Variants in KHDRBS2 observed in about 807,000 individuals in gnomAD.
KHDRBS2 encodes KH domain-containing, RNA-binding, signal transduction-associated protein 2.
In KHDRBS2, 26 loss-of-function variants were observed where a neutral mutation model predicts 44.3. The observed-to-expected ratio is 0.59, with a 90% confidence interval of 0.43 to 0.81. The LOEUF (loss-of-function observed/expected upper bound fraction) is 0.81. KHDRBS2 is among the 40% of genes least tolerant of loss of function. KHDRBS2 has a pLI of 0.00. For missense variants in KHDRBS2, 476 were observed against 433.1 expected (o/e 1.10, Z -0.88); for synonymous variants, 194 against 151.1 (o/e 1.28, Z -2.08).
intron 1 of KHDRBS2, among the ~76,000 whole-genome samples, chr6:62,200,139 C>A (rs1328377727): frequency 3.2e-4 from 49 of 151,638 alleles, no homozygotes; most frequent in African/African-American, 8.8e-4. Context: ...ACCCTAGAAG[C>A]AAACCTAGGC....
At chr6:61,882,502 G>A (rs1436691465) in intron 6 of KHDRBS2, among the ~76,000 whole-genome samples, 3 of 151,932 alleles carry the variant, frequency 2.0e-5, no homozygotes, top group African/African-American at 2.4e-5. Flanking sequence ...AGGAATAAAC[G>A]AGGGTCCTTT....
the KHDRBS2 span, among the ~76,000 whole-genome samples, chr6:61,561,967 C>T: frequency 8.9e-4 from 136 of 152,266 alleles, 1 homozygote; most frequent in Middle Eastern, 3.4e-3. Flanking sequence ...TATTTCTTGG[C>T]TGCTTCACAT....
the KHDRBS2 span, among the ~76,000 whole-genome samples, chr6:61,670,736 C>A: frequency 6.6e-6 from 1 of 151,342 alleles, no homozygotes; most frequent in African/African-American, 2.4e-5. Flanking sequence ...TCTAGTTCAT[C>A]CTCTTATACT....
At chr6:62,127,623 C>G (rs1303745933) in intron 2 of KHDRBS2, among the ~76,000 whole-genome samples, 1 of 152,014 alleles carries the variant, frequency 6.6e-6, no homozygotes, top group African/African-American at 2.4e-5. Context: ...CTAATACTTT[C>G]TTATTTTCTG....
intron 4 of KHDRBS2, among the ~76,000 whole-genome samples, chr6:61,923,241 TA>T (rs2127360587): frequency 6.6e-6 from 1 of 151,968 alleles, no homozygotes; most frequent in Non-Finnish European, 1.5e-5. Flanking sequence ...TAAGAATTAC[TA>T]AAAAAATTAA....
intron 4 of KHDRBS2, among the ~76,000 whole-genome samples, chr6:61,906,036 C>T (rs1240055412): frequency 2.6e-5 from 4 of 151,628 alleles, no homozygotes; most frequent in Admixed American, 2.0e-4. Flanking sequence ...TTAGTAGAGA[C>T]GGGGTTCCAC....
chr6:61,672,100 G>GT, the KHDRBS2 span, among the ~76,000 whole-genome samples: 19 of 138,980 alleles, frequency 1.4e-4, no homozygotes, highest in Non-Finnish European at 2.5e-4. Flanking sequence ...GCGGTGTTTG[G>GT]TTTTTTGTTC....
At chr6:62,255,255 A>T (rs551471479) in intron 1 of KHDRBS2, among the ~76,000 whole-genome samples, 113 of 152,188 alleles carry the variant, frequency 7.4e-4, no homozygotes, top group Non-Finnish European at 1.4e-3. Context: ...GGAGAATTCT[A>T]TCTGATCTAT....
chr6:61,731,357 C>T (rs1244938297), intron 7 of KHDRBS2, among the ~76,000 whole-genome samples: 1 of 152,024 alleles, frequency 6.6e-6, no homozygotes, highest in East Asian at 1.9e-4. Context: ...ATTTAGCTTA[C>T]TAGAAATTAA....
the KHDRBS2 span, among the ~76,000 whole-genome samples, chr6:61,546,935 G>A: frequency 2.6e-5 from 4 of 152,042 alleles, no homozygotes; most frequent in Non-Finnish European, 5.9e-5. Context: ...TCAGAGTCAA[G>A]GGTGACTGGA....
the KHDRBS2 span, among the ~76,000 whole-genome samples, chr6:61,579,590 G>A: frequency 2.6e-5 from 4 of 152,142 alleles, no homozygotes; most frequent in African/African-American, 9.7e-5. Flanking sequence ...GTGACCGAAT[G>A]TTATTTGAAA....
At chr6:62,171,498 TG>T (rs1354136884) in intron 2 of KHDRBS2, among the ~76,000 whole-genome samples, 1 of 151,958 alleles carries the variant, frequency 6.6e-6, no homozygotes, top group Non-Finnish European at 1.5e-5. Flanking sequence ...GCAAGCAACT[TG>T]GAAAATGTAT....
intron 7 of KHDRBS2, among the ~76,000 whole-genome samples, chr6:61,720,622 CTTGT>C (rs1304742626): frequency 6.6e-6 from 1 of 151,814 alleles, no homozygotes; most frequent in Admixed American, 6.6e-5. Context: ...TTTTGATGGG[CTTGT>C]TTGTTTTTTT....
the KHDRBS2 span, among the ~76,000 whole-genome samples, chr6:61,613,299 C>T: frequency 2.0e-5 from 3 of 152,182 alleles, no homozygotes; most frequent in African/African-American, 7.2e-5. Context: ...TTACTAGTTG[C>T]TCAGTAAATA....
At chr6:61,557,388 TAG>T in the KHDRBS2 span, among the ~76,000 whole-genome samples, 2 of 152,272 alleles carry the variant, frequency 1.3e-5, no homozygotes, top group African/African-American at 4.8e-5. Context: ...AGAATATATA[TAG>T]AGAGTGTCTC....
chr6:61,944,016 C>G (rs940977132), intron 4 of KHDRBS2, among the ~76,000 whole-genome samples: 1 of 152,040 alleles, frequency 6.6e-6, no homozygotes, highest in Non-Finnish European at 1.5e-5. Context: ...AACAAACCCA[C>G]GAATGCTGGT....
intron 2 of KHDRBS2, among the ~76,000 whole-genome samples, chr6:62,067,229 G>A (rs1483431984): frequency 6.6e-6 from 1 of 151,344 alleles, no homozygotes. Context: ...AAACTAAACA[G>A]GAAATCCAAA....
the KHDRBS2 span, among the ~76,000 whole-genome samples, chr6:61,564,286 T>A: frequency 3.9e-5 from 6 of 152,148 alleles, no homozygotes; most frequent in African/African-American, 1.4e-4. Flanking sequence ...TAGTAGAAGG[T>A]AATGTTTCTG....
At chr6:61,922,402 G>A (rs998164407) in intron 4 of KHDRBS2, among the ~76,000 whole-genome samples, 7 of 152,038 alleles carry the variant, frequency 4.6e-5, no homozygotes, top group East Asian at 1.9e-4. Context: ...ACTGTTGACC[G>A]TCAAGGGAGA....
Sources: gnomAD v4.1 joint callset for allele counts (sites outside exome capture counted in the v4.1 genomes callset) on GRCh38, gnomAD v4.1.1 for gene constraint, MANE v1.5 for transcripts, NCBI Gene and HGNC (gene_info 2026-07-23, HGNC 2026-07-21) for gene names.